The following GALNT13 variants were observed in gnomAD, a reference collection of about 807,000 sequenced individuals.
The protein encoded by GALNT13 is polypeptide N-acetylgalactosaminyltransferase 13.
Under a neutral mutation model 64.2 loss-of-function variants are expected in GALNT13, and 28 were observed. The ratio of observed to expected loss-of-function variants is 0.44; its 90% CI spans 0.32 to 0.60. GALNT13 has a LOEUF of 0.60. Ranked by LOEUF, GALNT13 falls within the 20% of genes least tolerant of loss-of-function variation. The probability of loss-of-function intolerance (pLI) is 0.05; values close to 1 mark genes in which losing one functional copy is unlikely to be tolerated. For missense variants in GALNT13, 577 were observed against 669.8 expected (o/e 0.86, Z 1.53); for synonymous variants, 214 against 224.6 (o/e 0.95, Z 0.42).
intron 4 of GALNT13, among the ~76,000 whole-genome samples, chr2:154,192,126 C>T (rs989843821): frequency 2.2e-4 from 34 of 152,322 alleles, no homozygotes; most frequent in African/African-American, 7.5e-4. Flanking sequence ...GCAAACTGCG[C>T]ATCATTTCAC....
chr2:154,016,578 T>C (rs991448136), intron 3 of GALNT13, among the ~76,000 whole-genome samples: 5 of 152,072 alleles, frequency 3.3e-5, no homozygotes, highest in Admixed American at 1.3e-4. Flanking sequence ...CCACCATGCC[T>C]GGCTAACTTC....
chr2:153,301,474 A>G, the GALNT13 span, among the ~76,000 whole-genome samples: 1 of 152,106 alleles, frequency 6.6e-6, no homozygotes, highest in African/African-American at 2.4e-5. Context: ...TGATAGATAT[A>G]TAATTGTGAA....
chr2:153,248,953 C>T, the GALNT13 span, among the ~76,000 whole-genome samples: 6 of 151,974 alleles, frequency 3.9e-5, no homozygotes, highest in Non-Finnish European at 8.8e-5. Context: ...GGAAGCATTC[C>T]CCTTGAAAAC....
the GALNT13 span, among the ~76,000 whole-genome samples, chr2:153,747,264 T>C: frequency 6.6e-6 from 1 of 152,034 alleles, no homozygotes; most frequent in Non-Finnish European, 1.5e-5. Context: ...TCATTGACTA[T>C]AGTCACCCTG....
intron 1 of GALNT13, among the ~76,000 whole-genome samples, chr2:153,879,208 A>G (rs1477450553): frequency 6.6e-6 from 1 of 152,226 alleles, no homozygotes; most frequent in Non-Finnish European, 1.5e-5. Context: ...TTTAATCATA[A>G]AGACCTTCAA....
At chr2:153,864,275 G>A in the GALNT13 span, among the ~76,000 whole-genome samples, 1 of 152,106 alleles carries the variant, frequency 6.6e-6, no homozygotes, top group Admixed American at 6.6e-5. Flanking sequence ...TCTTTGACAG[G>A]AGTGATTACT....
At chr2:153,681,911 C>T in the GALNT13 span, among the ~76,000 whole-genome samples, 11 of 151,776 alleles carry the variant, frequency 7.2e-5, no homozygotes, top group Non-Finnish European at 1.3e-4. Context: ...TTTACTATCA[C>T]TCAATACTCA....
chr2:153,782,979 C>T, the GALNT13 span, among the ~76,000 whole-genome samples: 1 of 152,038 alleles, frequency 6.6e-6, no homozygotes, highest in Non-Finnish European at 1.5e-5. Context: ...CCAAGTTGAA[C>T]CTTTGGAAAT....
chr2:153,479,335 A>G, the GALNT13 span, among the ~76,000 whole-genome samples: 44 of 152,340 alleles, frequency 2.9e-4, no homozygotes, highest in African/African-American at 1.0e-3. Context: ...ACAGAAAGGC[A>G]TGGAAGAAGG....
the GALNT13 span, among the ~76,000 whole-genome samples, chr2:153,333,475 A>G: frequency 6.6e-6 from 1 of 151,914 alleles, no homozygotes. Flanking sequence ...GGAAATTTCC[A>G]TTTTCCTTCT....
Position 154,242,663 on chromosome 2 carries a change from A to G in GALNT13, c.479-35A>G, listed in dbSNP as rs1350485113. ...TCTGCTATTTCTTAAAACAGTTTCA[A>G]AAATTTTTCTTATAAATTCTTATAC... On this transcript the variant is annotated intron_variant, in intron 5 of 12. Coordinates refer to ENST00000392825, the MANE Select transcript of GALNT13 (RefSeq NM_052917.4). 10 of 1,468,242 alleles carry G rather than the reference A, an allele frequency of 6.8e-6. No individual in the cohort carries two copies. In the South Asian group the frequency reaches 1.2e-4, roughly 17 times the overall value. 91.0% of individuals were successfully genotyped at this position (1,468,242 alleles called of 1,614,324 possible).
rs1453975785 is a variant in GALNT13, at chr2:154,319,876, T to A, written c.1156+18287T>A. On this transcript the variant is annotated intron_variant, in intron 9 of 12. Transcript: ENST00000392825. ...ATTTTTTCATCATTTTTATATACAGTAATTTAAACTTTCACTTCATAAAAA... is the reference window on the plus strand; with the variant it reads ...ATTTTTTCATCATTTTTATATACAGAAATTTAAACTTTCACTTCATAAAAA... Among the ~76,000 whole-genome samples the A allele has an allele frequency of 2.6e-5, 4 of 152,216 alleles. No individual in the cohort carries two copies. In the East Asian group the frequency reaches 7.7e-4, roughly 29 times the overall value.
chr2:153,133,560 G>A, the GALNT13 span, among the ~76,000 whole-genome samples: 1 of 152,022 alleles, frequency 6.6e-6, no homozygotes, highest in Non-Finnish European at 1.5e-5. Context: ...CTGGTTGTGT[G>A]ACAAGAACCC....
chr2:153,677,204 A>G, the GALNT13 span, among the ~76,000 whole-genome samples: 1 of 151,864 alleles, frequency 6.6e-6, no homozygotes, highest in African/African-American at 2.4e-5. Flanking sequence ...TCAATGTATA[A>G]AAATAGGTAG....
chr2:154,282,124 G>A (rs1467646182), intron 8 of GALNT13, among the ~76,000 whole-genome samples: 1 of 152,074 alleles, frequency 6.6e-6, no homozygotes, highest in Non-Finnish European at 1.5e-5. Context: ...CATTGTCTAC[G>A]TTTAATGCCA....
chr2:153,568,002 T>C, the GALNT13 span, among the ~76,000 whole-genome samples: 1 of 152,212 alleles, frequency 6.6e-6, no homozygotes, highest in Non-Finnish European at 1.5e-5. Flanking sequence ...CTGAGGCTTC[T>C]TTTAAGTTTT....
intron 4 of GALNT13, among the ~76,000 whole-genome samples, chr2:154,151,031 A>G (rs995427205): frequency 4.6e-5 from 7 of 152,102 alleles, no homozygotes; most frequent in South Asian, 2.1e-4. Context: ...TAGGGGGTCA[A>G]TTTTGGATCT....
intron 3 of GALNT13, among the ~76,000 whole-genome samples, chr2:154,130,392 A>G (rs2105544671): frequency 6.6e-6 from 1 of 152,280 alleles, no homozygotes; most frequent in African/African-American, 2.4e-5. Flanking sequence ...AATAGCATTC[A>G]GCACAACCGC....
At chr2:153,660,612 T>TAA in the GALNT13 span, among the ~76,000 whole-genome samples, 3 of 149,882 alleles carry the variant, frequency 2.0e-5, no homozygotes, top group South Asian at 6.5e-4. Context: ...ATATACACAT[T>TAA]ATATATATAT....
Sources: gnomAD v4.1 joint callset for allele counts (sites outside exome capture counted in the v4.1 genomes callset) on GRCh38, gnomAD v4.1.1 for gene constraint, MANE v1.5 for transcripts, NCBI Gene and HGNC (gene_info 2026-07-23, HGNC 2026-07-21) for gene names.